Variants in DOCK5 observed in about 807,000 individuals in gnomAD.
The protein encoded by DOCK5 is dedicator of cytokinesis protein 5.
A neutral mutation model predicts 251.8 loss-of-function variants in DOCK5; 142 were observed. That is an observed-to-expected ratio of 0.56 (90% CI 0.49 to 0.65). The LOEUF is 0.65. DOCK5 is among the 30% of genes least tolerant of loss of function. The pLI is 0.00. For missense variants in DOCK5, 2,111 were observed against 2,312.3 expected, an observed-to-expected ratio of 0.91 and a Z score of 1.79; for synonymous variants, 842 against 835.5, an observed-to-expected ratio of 1.01 and a Z score of -0.13.
chr8:25,312,387 A>G (rs1805123557), intron 13 of DOCK5, among the ~76,000 whole-genome samples: 1 of 152,206 alleles, frequency 6.6e-6, no homozygotes, highest in South Asian at 2.1e-4. Context: ...CTGGCTTGTA[A>G]AAGAACATTT....
At chr8:25,390,781 C>A (rs1301065545) in intron 42 of DOCK5, among the ~76,000 whole-genome samples, 2 of 151,750 alleles carry the variant, frequency 1.3e-5, no homozygotes, top group African/African-American at 4.8e-5. Flanking sequence ...CTAATGAGAT[C>A]ACAAATGTAT....
chr8:25,364,436 T>A (rs1249594147), intron 29 of DOCK5, among the ~76,000 whole-genome samples, 190 bp from the exon 30 acceptor site: 1 of 152,222 alleles, frequency 6.6e-6, no homozygotes, highest in Non-Finnish European at 1.5e-5. Context: ...TCTTCTTGTT[T>A]GTTCTGTAAA....
At chr8:25,382,592 C>T in intron 39 of DOCK5, 82 bp from the exon 40 acceptor site, 2 of 1,145,942 alleles carry the variant, frequency 1.7e-6, no homozygotes, top group Non-Finnish European at 2.5e-6. Context: ...ACGTGGGAAA[C>T]AACAAAACAA....
At chr8:25,235,916 G>A (rs1475266833) in intron 1 of DOCK5, among the ~76,000 whole-genome samples, 1 of 150,082 alleles carries the variant, frequency 6.7e-6, no homozygotes, top group African/African-American at 2.5e-5. Context: ...TCATGCCTCA[G>A]CCTCCCGAGT....
chr8:25,203,203 T>G (rs1201822667), intron 1 of DOCK5, among the ~76,000 whole-genome samples: 1 of 152,218 alleles, frequency 6.6e-6, no homozygotes, highest in East Asian at 1.9e-4. Context: ...CTATCTTATG[T>G]GCCTGAAAGC....
chr8:25,361,158 C>T (rs532760865), intron 28 of DOCK5, among the ~76,000 whole-genome samples: 3 of 152,218 alleles, frequency 2.0e-5, no homozygotes, highest in African/African-American at 4.8e-5. Context: ...TCCATCATGC[C>T]GTCTCATTAA....
Position 25,377,407 on chromosome 8 carries a change from T to C in DOCK5, c.3919T>C (p.Tyr1307His). The C allele has an allele frequency of 6.2e-7, 1 of 1,613,662 alleles. No homozygotes were observed. Residue 1307 changes from tyrosine (Y) to histidine (H), a missense_variant, in exon 38 of 52, where the codon TAT (tyrosine) becomes CAT (histidine). Coordinates refer to ENST00000276440, the MANE Select transcript of DOCK5 (RefSeq NM_024940.8). The stretch of plus-strand genomic sequence containing the variant: ...GAAGCTGTATCAAGAAATCATATCA[T>C]ATTTCGACAAAGGCAAAGTGAGTAT... ...KEKLYQEIISYFDKGKMWEKA... is the reference protein window; with the variant it reads ...KEKLYQEIISHFDKGKMWEKA...
At chr8:25,391,515 G>A (rs1379298979) in intron 42 of DOCK5, among the ~76,000 whole-genome samples, 1 of 152,082 alleles carries the variant, frequency 6.6e-6, no homozygotes, top group East Asian at 1.9e-4. Context: ...GTGCGTGCTT[G>A]TAATCTCGGC....
chr8:25,321,769 T>C (rs868762552), intron 16 of DOCK5, among the ~76,000 whole-genome samples: 7 of 152,162 alleles, frequency 4.6e-5, no homozygotes, highest in Non-Finnish European at 1.0e-4. Flanking sequence ...GTTTATGGCT[T>C]GGGGTTTGAG....
intron 34 of DOCK5, among the ~76,000 whole-genome samples, chr8:25,371,737 GT>G (rs1276853128): frequency 6.6e-6 from 1 of 152,134 alleles, no homozygotes; most frequent in African/African-American, 2.4e-5. Context: ...CAGCTGATTT[GT>G]TTTACATAAG....
At chr8:25,403,061 G>A (rs953289242) in intron 47 of DOCK5, among the ~76,000 whole-genome samples, 3 of 152,192 alleles carry the variant, frequency 2.0e-5, no homozygotes, top group Non-Finnish European at 4.4e-5. Context: ...GCCGGTATTA[G>A]TGAGTCATTT....
At chr8:25,217,321 A>G (rs906843733) in intron 1 of DOCK5, among the ~76,000 whole-genome samples, 4 of 151,786 alleles carry the variant, frequency 2.6e-5, no homozygotes, top group African/African-American at 9.7e-5. Flanking sequence ...GATTTTTAAA[A>G]CTAGTTTGTA....
At chr8:25,223,161 A>C (rs1802435744) in intron 1 of DOCK5, among the ~76,000 whole-genome samples, 1 of 152,212 alleles carries the variant, frequency 6.6e-6, no homozygotes, top group African/African-American at 2.4e-5. Flanking sequence ...GTTTTTAAAA[A>C]AAATTTTTGA....
chr8:25,211,696 T>A lies in DOCK5; in HGVS notation c.43+26745T>A, dbSNP rs1157942001. On this transcript the variant is annotated intron_variant, in intron 1 of 51. Transcript: ENST00000276440. ...AGTGGTGCATACCTGTAGTCCCAGC[T>A]ACTCTGGAGGCTGAGGCGGGAGGAT... Among the ~76,000 whole-genome samples, 12 of 68,658 alleles carry A rather than the reference T, an allele frequency of 1.7e-4. 5 individuals are homozygous for A. The highest frequency in any genetic ancestry group is 5.7e-4 in the Non-Finnish European group (12 of 21,122). The allele number at this position is 68,658 out of a possible 152,430, so 45.0% of individuals were successfully genotyped here. A position where few individuals can be genotyped will look rare whatever the true frequency, so the allele number is the denominator to read the frequency against.
chr8:25,333,937 C>T (rs557264845), intron 20 of DOCK5, among the ~76,000 whole-genome samples, 159 bp from the exon 21 acceptor site: 73 of 152,218 alleles, frequency 4.8e-4, no homozygotes, highest in African/African-American at 1.7e-3. Flanking sequence ...TAAATAAATA[C>T]AATCCTCAAG....
chr8:25,231,334 A>G (rs1466597903), intron 1 of DOCK5, among the ~76,000 whole-genome samples: 1 of 152,166 alleles, frequency 6.6e-6, no homozygotes, highest in Non-Finnish European at 1.5e-5. Context: ...GGGCTATCAC[A>G]CACAGTGCTT....
chr8:25,239,726 G>A (rs1481499315), intron 1 of DOCK5, among the ~76,000 whole-genome samples: 1 of 152,074 alleles, frequency 6.6e-6, no homozygotes, highest in African/African-American at 2.4e-5. Context: ...CTAGGAATTG[G>A]GAATTACTCC....
chr8:25,389,528 G>C (rs78219654), intron 41 of DOCK5, among the ~76,000 whole-genome samples: 42 of 152,348 alleles, frequency 2.8e-4, no homozygotes, highest in African/African-American at 9.9e-4. Flanking sequence ...TCTGGATTCT[G>C]TTGTAGACTT....
At chr8:25,305,783 T>C (rs1804907586) in intron 11 of DOCK5, among the ~76,000 whole-genome samples, 1 of 152,180 alleles carries the variant, frequency 6.6e-6, no homozygotes, top group Admixed American at 6.5e-5. Flanking sequence ...ACATTACTTA[T>C]AGAGAATATG....
Sources: gnomAD v4.1 joint callset for allele counts (sites outside exome capture counted in the v4.1 genomes callset) on GRCh38, gnomAD v4.1.1 for gene constraint, MANE v1.5 for transcripts, NCBI Gene and HGNC (gene_info 2026-07-23, HGNC 2026-07-21) for gene names.